Variants in PCDHA10 observed in about 807,000 individuals in gnomAD.
The protein encoded by PCDHA10 is protocadherin alpha-10.
A neutral mutation model predicts 61.2 loss-of-function variants in PCDHA10; 45 were observed. The ratio of observed to expected loss-of-function variants is 0.74; its 90% CI spans 0.58 to 0.94. The LOEUF is 0.94. PCDHA10 is among the 40% of genes least tolerant of loss of function. The probability of loss-of-function intolerance (pLI) is 0.00; values close to 1 mark genes in which losing one functional copy is unlikely to be tolerated. For missense variants in PCDHA10, 1,278 were observed against 1,236.2 expected (o/e 1.03, Z -0.51); for synonymous variants, 602 against 548.8 (o/e 1.10, Z -1.35).
chr5:140,884,821 G>T (rs1470699415), intron 1 of PCDHA10: 1 of 1,011,638 alleles, frequency 9.9e-7, no homozygotes, highest in Admixed American at 3.4e-5. Context: ...TGGACATTAT[G>T]TGTTGGATTA....
At position 140,857,244 on chromosome 5, in the gene PCDHA10, C is replaced by T. The variant is rs192745808; in HGVS notation, c.1196C>T (p.Thr399Ile). Residue 399 changes from threonine to isoleucine, a missense_variant, in exon 1 of 4, where the codon ACC becomes ATC. Coordinates refer to ENST00000307360, the MANE Select transcript of PCDHA10 (RefSeq NM_018901.4). ...CACGTTCCGTTCAAGCTGGTGTCCA[C>T]CTACAAGAATTACTACTCATTGGTG... The part of the protein sequence containing the change: ...TPHVPFKLVS[T>I]YKNYYSLVLD... 5 of 1,598,592 alleles carry T rather than the reference C, an allele frequency of 3.1e-6. 1 individual carries two copies. In the African/African-American group the frequency reaches 6.7e-5, roughly 21 times the overall value.
In PCDHA10 at chr5:140,883,587, G is replaced by C. The variant is rs1554178846; in HGVS notation, c.2388+25151G>C. ...TCGCCTTCGCTGTGGGCCACGGCCA[G>C]CGTGTCGGTGGGGGTGGCCGACGTG... On this transcript the variant is annotated intron_variant, in intron 1 of 3. Coordinates refer to ENST00000307360, the MANE Select transcript of PCDHA10 (RefSeq NM_018901.4). 6.2e-7 allele frequency: 1 copy of C among 1,614,030 alleles called. No individual in the cohort carries two copies. Among genetic ancestry groups the C allele is most frequent in the Non-Finnish European group, 8.5e-7 (1 of 1,179,946 alleles).
At chr5:140,988,874 T>G (rs1407460154) in intron 3 of PCDHA10, 2 of 152,194 alleles carry the variant, frequency 1.3e-5, no homozygotes, top group Non-Finnish European at 1.5e-5. Flanking sequence ...CACTCAGATG[T>G]ACGATCCTGG....
chr5:140,889,329 T>C (rs1554183865), intron 1 of PCDHA10, among the ~76,000 whole-genome samples: 2 of 152,090 alleles, frequency 1.3e-5, no homozygotes, highest in Admixed American at 6.5e-5. Context: ...GTATCAGGAT[T>C]TTGATTGGTG....
At position 141,009,957 on chromosome 5, in the gene PCDHA10, G is replaced by A; in HGVS notation, c.*20G>A. The stretch of plus-strand genomic sequence containing the variant: ...CAGTGAGGTCCTCAAATGGAAACAA[G>A]CCACTTAGCCAGTTTTTGTAATAAT... On this transcript the variant is annotated 3_prime_UTR_variant, in exon 4 of 4. Transcript: ENST00000307360. 1 of 1,589,160 alleles carries A rather than the reference G, an allele frequency of 6.3e-7. No individual in the cohort carries two copies. Among genetic ancestry groups the A allele is most frequent in the Non-Finnish European group, 8.5e-7 (1 of 1,171,102 alleles).
At chr5:140,894,143 T>G (rs1322881071) in intron 1 of PCDHA10, among the ~76,000 whole-genome samples, 1 of 152,158 alleles carries the variant, frequency 6.6e-6, no homozygotes, top group Non-Finnish European at 1.5e-5. Flanking sequence ...ATAATTCCCT[T>G]CTATGTAATT....
intron 1 of PCDHA10, among the ~76,000 whole-genome samples, chr5:140,959,469 A>G (rs1180811354): frequency 5.3e-5 from 8 of 152,226 alleles, no homozygotes; most frequent in East Asian, 1.9e-4. Context: ...GTTGGCATCA[A>G]TCAAGGCATA....
intron 1 of PCDHA10, among the ~76,000 whole-genome samples, chr5:140,933,268 T>A (rs2088999959): frequency 6.6e-6 from 1 of 151,986 alleles, no homozygotes; most frequent in Non-Finnish European, 1.5e-5. Context: ...TTATTATATA[T>A]TCATTTGGAA....
chr5:140,962,034 C>T (rs527918306), intron 1 of PCDHA10, among the ~76,000 whole-genome samples: 1 of 152,172 alleles, frequency 6.6e-6, no homozygotes, highest in South Asian at 2.1e-4. Context: ...CAGGCACCCA[C>T]CACCATGCCT....
chr5:140,867,479 A>G (rs1308433664), intron 1 of PCDHA10: 1 of 152,158 alleles, frequency 6.6e-6, no homozygotes, highest in Non-Finnish European at 1.5e-5. Context: ...TTGGGAAAAG[A>G]GTAAATATGA....
At position 140,882,112 on chromosome 5, in the gene PCDHA10, C is replaced by A. The variant is rs1399071152; in HGVS notation, c.2388+23676C>A. On this transcript the variant is annotated intron_variant, in intron 1 of 3. Transcript: ENST00000307360. ...CTGAGAACGTTTCCGCGAAGAAAGC[C>A]GCCGTTTCTTTCTTCCTGCAGAAAA... 4 of 1,384,574 alleles carry A rather than the reference C, an allele frequency of 2.9e-6. No individual in the cohort carries two copies. The Admixed American group carries it at 7.3e-5, about 25-fold the overall frequency. 85.8% of individuals were successfully genotyped at this position (1,384,574 alleles called of 1,614,324 possible).
chr5:140,925,108 G>GGAAGGAAGGAAGGAAGGAAGGAA (rs1554202548), intron 1 of PCDHA10, among the ~76,000 whole-genome samples: 19 of 124,700 alleles, frequency 1.5e-4, no homozygotes, highest in Middle Eastern at 4.0e-3. Context: ...GAAGGAAGGA[G>GGAAGGAAGGAAGGAAGGAAGGAA]GGAAGGAAGG....
chr5:140,941,185 C>CT (rs782102770), intron 1 of PCDHA10, among the ~76,000 whole-genome samples: 18 of 102,242 alleles, frequency 1.8e-4, no homozygotes, highest in East Asian at 3.7e-4. Flanking sequence ...CATCCTGCTT[C>CT]TTTTTTTTTC....
chr5:140,939,379 A>C (rs1554212694), intron 1 of PCDHA10, among the ~76,000 whole-genome samples: 1 of 152,170 alleles, frequency 6.6e-6, no homozygotes, highest in Non-Finnish European at 1.5e-5. Flanking sequence ...GAACACAAAC[A>C]TTCAGATCAT....
chr5:140,953,340 C>T (rs2094876353), intron 1 of PCDHA10, among the ~76,000 whole-genome samples: 1 of 152,066 alleles, frequency 6.6e-6, no homozygotes, highest in Non-Finnish European at 1.5e-5. Context: ...TAGGGCTCAC[C>T]TTCTTTTGTT....
Position 141,010,440 on chromosome 5 carries a change from A to G in PCDHA10, c.*503A>G, listed in dbSNP as rs1279403327. 3 of 984,540 alleles carry G rather than the reference A, an allele frequency of 3.0e-6. No individual in the cohort carries two copies. Among genetic ancestry groups the G allele is most frequent in the Admixed American group, 5.9e-5 (2 of 34,150 alleles). The allele number at this position is 984,540 out of a possible 1,614,324, so 61.0% of individuals were successfully genotyped here. On this transcript the variant is annotated 3_prime_UTR_variant, in exon 4 of 4. Transcript: ENST00000307360. The stretch of plus-strand genomic sequence containing the variant: ...CAAGGAAGGCAAGAAAACAAAGACA[A>G]ATAAACAGCGGAAGTTATCAGTATG...
In PCDHA10 at chr5:140,856,046, A is replaced by G. The variant is rs781911942; in HGVS notation, c.-3A>G. 2 of 1,582,372 alleles carry G rather than the reference A, an allele frequency of 1.3e-6. No homozygotes were observed. The highest frequency in any genetic ancestry group is 2.2e-5 in the East Asian group (1 of 44,690). Reference sequence around the variant, plus strand: ...TCGATTTGTAAAACAAGAGAAGGATAAGATGGTTTCCAGATGTAGCTGCCT... The same window carrying G: ...TCGATTTGTAAAACAAGAGAAGGATGAGATGGTTTCCAGATGTAGCTGCCT... On this transcript the variant is annotated 5_prime_UTR_variant, in exon 1 of 4. In the 5' UTR this introduces an upstream ATG that the reference lacks. Transcript: ENST00000307360.
At chr5:140,970,442 A>G (rs1003756532) in intron 1 of PCDHA10, among the ~76,000 whole-genome samples, 3 of 152,182 alleles carry the variant, frequency 2.0e-5, no homozygotes, top group Non-Finnish European at 4.4e-5. Flanking sequence ...TAGTATATGC[A>G]CTAGTTTTGA....
intron 1 of PCDHA10, among the ~76,000 whole-genome samples, chr5:140,937,621 GAAAA>G (rs1276369305): frequency 1.4e-5 from 2 of 142,038 alleles, no homozygotes; most frequent in Non-Finnish European, 3.1e-5. Context: ...CATCTAAAAA[GAAAA>G]AGAAAGGCAG....
Sources: gnomAD v4.1 joint callset for allele counts (sites outside exome capture counted in the v4.1 genomes callset) on GRCh38, gnomAD v4.1.1 for gene constraint, MANE v1.5 for transcripts, NCBI Gene and HGNC (gene_info 2026-07-23, HGNC 2026-07-21) for gene names.